RNF157: variants seen among roughly 807,000 people sequenced by gnomAD.
The protein encoded by RNF157 is ring finger protein 157.
Under a neutral mutation model 88.3 loss-of-function variants are expected in RNF157, and 55 were observed. The observed-to-expected ratio is 0.62, with a 90% CI of 0.50 to 0.78. The LOEUF (loss-of-function observed/expected upper bound fraction) is 0.78. RNF157 is among the 30% of genes least tolerant of loss of function. RNF157 has a pLI of 0.00. For missense variants in RNF157, 788 were observed against 860.8 expected, an observed-to-expected ratio of 0.92 and a Z score of 1.06; for synonymous variants, 334 against 341.2, an observed-to-expected ratio of 0.98 and a Z score of 0.23.
intron 2 of RNF157, among the ~76,000 whole-genome samples, chr17:76,201,844 C>T (rs1450131811): frequency 1.3e-5 from 2 of 151,976 alleles, no homozygotes; most frequent in African/African-American, 4.8e-5. Flanking sequence ...AACCATTCCA[C>T]TATAATGGCC....
chr17:76,238,850 C>G (rs541493625), intron 1 of RNF157, among the ~76,000 whole-genome samples: 1 of 152,156 alleles, frequency 6.6e-6, no homozygotes, highest in African/African-American at 2.4e-5. Flanking sequence ...TACTAACGAC[C>G]CACAGCTTTA....
At chr17:76,194,739 G>A (rs1019527604) in intron 2 of RNF157, among the ~76,000 whole-genome samples, 97 of 152,276 alleles carry the variant, frequency 6.4e-4, no homozygotes, top group African/African-American at 2.3e-3. Context: ...GAGCAGGCCG[G>A]GCACGGTGGC....
chr17:76,209,253 T>G (rs2069734895), intron 2 of RNF157, among the ~76,000 whole-genome samples: 1 of 152,096 alleles, frequency 6.6e-6, no homozygotes, highest in African/African-American at 2.4e-5. Context: ...GGAAAAAGCC[T>G]CAACTTTAAG....
intron 2 of RNF157, among the ~76,000 whole-genome samples, chr17:76,185,709 TCCGC>T (rs1430802691): frequency 6.6e-6 from 1 of 151,998 alleles, no homozygotes; most frequent in Non-Finnish European, 1.5e-5. Context: ...GACCTCGTGA[TCCGC>T]CCGCCTCGGC....
chr17:76,183,474 A>G (rs553407731), intron 2 of RNF157, among the ~76,000 whole-genome samples: 1 of 152,104 alleles, frequency 6.6e-6, no homozygotes, highest in South Asian at 2.1e-4. Context: ...TGTTTTTTAG[A>G]GGTAGGGTCT....
chr17:76,185,248 C>T (rs2069261578), intron 2 of RNF157, among the ~76,000 whole-genome samples: 1 of 152,194 alleles, frequency 6.6e-6, no homozygotes, highest in Non-Finnish European at 1.5e-5. Context: ...TAGGAAGCCT[C>T]CCTTCCCAGC....
chr17:76,155,068 C>T (rs1216495060), intron 16 of RNF157, among the ~76,000 whole-genome samples, 184 bp downstream of exon 16: 1 of 152,252 alleles, frequency 6.6e-6, no homozygotes, highest in Non-Finnish European at 1.5e-5. Context: ...CTGGACAGTC[C>T]ACAGGCCCGG....
intron 4 of RNF157, 45 bp from the exon 5 acceptor site, chr17:76,167,171 C>G: frequency 7.1e-7 from 1 of 1,411,704 alleles, no homozygotes; most frequent in Admixed American, 1.7e-5. Context: ...GTATCCGGCA[C>G]AGATGGGTCT....
In RNF157 at chr17:76,202,989, T is replaced by C. The variant is rs537458060; in HGVS notation, c.207+9375A>G. On this transcript the variant is annotated intron_variant, in intron 2 of 18. Coordinates refer to ENST00000269391, the MANE Select transcript of RNF157 (RefSeq NM_052916.3). Reference sequence around the variant, plus strand: ...TTAATTTTCTAAAATGCAAATTAGATTGTAATAGTTATCTTTTTTTTTGAG... The same window carrying C: ...TTAATTTTCTAAAATGCAAATTAGACTGTAATAGTTATCTTTTTTTTTGAG... Among the ~76,000 whole-genome samples, 4 of 152,310 alleles carry C rather than the reference T, an allele frequency of 2.6e-5. No homozygotes were observed. In the East Asian group the frequency reaches 7.7e-4, roughly 29 times the overall value.
At chr17:76,192,825 T>C in intron 2 of RNF157, among the ~76,000 whole-genome samples, 1 of 149,338 alleles carries the variant, frequency 6.7e-6, no homozygotes. Context: ...TTGTTTCAGC[T>C]CTCCCACTTT....
At chr17:76,205,553 C>T (rs530748479) in intron 2 of RNF157, among the ~76,000 whole-genome samples, 2 of 151,960 alleles carry the variant, frequency 1.3e-5, no homozygotes, top group Admixed American at 6.6e-5. Flanking sequence ...GGTGAAACCC[C>T]GTCTCTACTA....
intron 3 of RNF157, among the ~76,000 whole-genome samples, chr17:76,172,459 T>G (rs1002682989): frequency 6.6e-6 from 1 of 151,622 alleles, no homozygotes; most frequent in Non-Finnish European, 1.5e-5. Context: ...GGCGTGGTGA[T>G]GCATGCCTGT....
chr17:76,197,948 C>T (rs150213830), intron 2 of RNF157, among the ~76,000 whole-genome samples: 1 of 152,260 alleles, frequency 6.6e-6, no homozygotes, highest in Admixed American at 6.5e-5. Flanking sequence ...TTGCAAATAG[C>T]CCTCTCCCTT....
intron 16 of RNF157, among the ~76,000 whole-genome samples, chr17:76,154,878 A>G (rs556148304): frequency 6.6e-6 from 1 of 152,152 alleles, no homozygotes; most frequent in Non-Finnish European, 1.5e-5. Flanking sequence ...AAACCTCACC[A>G]CACAGGTCTG....
intron 2 of RNF157, among the ~76,000 whole-genome samples, chr17:76,177,207 G>A (rs1171802213): frequency 6.6e-6 from 1 of 152,040 alleles, no homozygotes; most frequent in Non-Finnish European, 1.5e-5. Context: ...GGGGCTGCAT[G>A]CTCCACAGAG....
Position 76,240,334 on chromosome 17 carries a change from C to A in RNF157, c.-94G>T. ...CCCGCCCCGCGCCCGGTGCGGGGGC[C>A]GACTGCCCGCCGCGGCCGGCTCCGC... On this transcript the variant is annotated 5_prime_UTR_variant, in exon 1 of 19. Transcript: ENST00000269391. This position sits in a 1 kb window ranked among gnomAD's most constrained non-coding sequence, Gnocchi z 4.4. The A allele has an allele frequency of 4.3e-6, 2 of 468,996 alleles. No individual in the cohort carries two copies. The highest frequency in any genetic ancestry group is 5.5e-6 in the Non-Finnish European group (2 of 361,074). The allele number at this position is 468,996 out of a possible 1,614,324, so 29.1% of individuals were successfully genotyped here. A position where few individuals can be genotyped will look rare whatever the true frequency, so the allele number is the denominator to read the frequency against.
At chr17:76,226,222 C>T (rs4102460) in intron 1 of RNF157, 24 of 1,612,088 alleles carry the variant, frequency 1.5e-5, no homozygotes, top group Admixed American at 8.4e-5. Flanking sequence ...CAGTGGAGTC[C>T]GGCTTCCTAT....
intron 2 of RNF157, among the ~76,000 whole-genome samples, chr17:76,178,697 T>C (rs555939059): frequency 6.6e-6 from 1 of 152,374 alleles, no homozygotes; most frequent in Admixed American, 6.5e-5. Context: ...TATTTAATCT[T>C]TGGAGGAATC....
intron 2 of RNF157, among the ~76,000 whole-genome samples, chr17:76,208,800 C>T (rs1226207316): frequency 1.3e-5 from 2 of 151,940 alleles, no homozygotes; most frequent in African/African-American, 2.4e-5. Context: ...GGTGAAACCC[C>T]ATCTCTACTA....
Sources: gnomAD v4.1 joint callset for allele counts (sites outside exome capture counted in the v4.1 genomes callset) on GRCh38, gnomAD v4.1.1 for gene constraint, Gnocchi (gnomAD v3.1) non-coding constraint, MANE v1.5 for transcripts, NCBI Gene and HGNC (gene_info 2026-07-23, HGNC 2026-07-21) for gene names.